PTPRQ: variants seen among roughly 807,000 people sequenced by gnomAD.
PTPRQ encodes phosphatidylinositol phosphatase PTPRQ.
In PTPRQ, 199 loss-of-function variants were observed where a neutral mutation model predicts 246.0. That is an observed-to-expected ratio of 0.81 (90% CI 0.72 to 0.91). The LOEUF is 0.91. Ranked by LOEUF, PTPRQ falls within the 40% of genes least tolerant of loss-of-function variation. PTPRQ has a pLI of 0.00. For synonymous variants in PTPRQ, 869 were observed against 853.2 expected (o/e 1.02, Z -0.32); for missense variants, 2,624 against 2,528.4 (o/e 1.04, Z -0.81).
Position 80,534,176 on chromosome 12 carries a change from G to A in PTPRQ, c.2839+1G>A. The A allele has an allele frequency of 2.0e-6, 3 of 1,524,820 alleles. No individual in the cohort carries two copies. Among genetic ancestry groups the A allele is most frequent in the Non-Finnish European group, 2.6e-6 (3 of 1,135,102 alleles). 94.5% of individuals were successfully genotyped at this position (1,524,820 alleles called of 1,614,324 possible). A position where few individuals can be genotyped will look rare whatever the true frequency, so the allele number is the denominator to read the frequency against. On this transcript the variant is annotated splice_donor_variant, in intron 18 of 44. Transcript: ENST00000644991. LOFTEE classifies it high-confidence loss of function. ...ATTAGCTTTCAAACACCAGAGGGAG[G>A]TGAGTTAAGGATGTATGCCAATTAA...
chr12:80,536,243 A>T (rs546681668), intron 19 of PTPRQ, among the ~76,000 whole-genome samples: 1 of 152,346 alleles, frequency 6.6e-6, no homozygotes, highest in African/African-American at 2.4e-5. Context: ...GTAAAAGAAG[A>T]AGAAAGATAA....
intron 7 of PTPRQ, among the ~76,000 whole-genome samples, chr12:80,469,847 G>T (rs7968678): frequency 0.06 from 9,171 of 152,246 alleles, 922 homozygotes; most frequent in African/African-American, 0.21. Flanking sequence ...CATTTGTAAG[G>T]CTGGCTGATA....
At chr12:80,646,447 G>A (rs190422321) in intron 35 of PTPRQ, among the ~76,000 whole-genome samples, 17 of 152,084 alleles carry the variant, frequency 1.1e-4, no homozygotes, top group Non-Finnish European at 2.2e-4. Flanking sequence ...ATCTTTAGGC[G>A]GACATCATGA....
intron 26 of PTPRQ, among the ~76,000 whole-genome samples, chr12:80,597,170 T>C (rs1012510447): frequency 8.6e-5 from 13 of 152,042 alleles, no homozygotes; most frequent in African/African-American, 3.1e-4. Context: ...TTGAGGTTTC[T>C]GATACCCTTG....
rs369695697 is a variant in PTPRQ, at chr12:80,663,284, A to C, written c.6192+5223A>C. On this transcript the variant is annotated intron_variant, in intron 39 of 44. Transcript: ENST00000644991. ...ATTTATATATGTGTATGTATATAAA[A>C]TATACAGTATAATATTTAGTATACA... Among the ~76,000 whole-genome samples the C allele has an allele frequency of 2.0e-5, 3 of 152,084 alleles. No homozygotes were observed. The East Asian group carries it at 5.8e-4, about 29-fold the overall frequency.
intron 35 of PTPRQ, among the ~76,000 whole-genome samples, chr12:80,636,554 C>T (rs577430123): frequency 6.6e-6 from 1 of 152,236 alleles, no homozygotes; most frequent in Non-Finnish European, 1.5e-5. Context: ...GCCTGTGTGG[C>T]CCATCCCTTT....
chr12:80,445,129 A>G (rs1892513363), intron 2 of PTPRQ, among the ~76,000 whole-genome samples: 1 of 151,950 alleles, frequency 6.6e-6, no homozygotes, highest in African/African-American at 2.4e-5. Flanking sequence ...CAGAACCATG[A>G]AAATGAACTG....
intron 35 of PTPRQ, among the ~76,000 whole-genome samples, chr12:80,641,810 T>C (rs1899865268): frequency 2.6e-5 from 4 of 152,116 alleles, no homozygotes; most frequent in Admixed American, 2.6e-4. Context: ...TTCATCATCA[T>C]AAAATAGAAT....
chr12:80,672,861 A>G (rs143716581), intron 42 of PTPRQ, among the ~76,000 whole-genome samples: 1 of 151,690 alleles, frequency 6.6e-6, no homozygotes, highest in East Asian at 1.9e-4. Flanking sequence ...AGAATTTTCA[A>G]TGATTTTAAA....
At chr12:80,643,203 C>T (rs1161102966) in intron 35 of PTPRQ, among the ~76,000 whole-genome samples, 1 of 152,040 alleles carries the variant, frequency 6.6e-6, no homozygotes, top group Non-Finnish European at 1.5e-5. Context: ...TTTGGGAGGT[C>T]GAGGCGGGTA....
intron 26 of PTPRQ, 73 bp from the exon 27 acceptor site, chr12:80,604,986 G>C: frequency 7.4e-7 from 1 of 1,349,456 alleles, no homozygotes; most frequent in Non-Finnish European, 9.6e-7. Flanking sequence ...ATTTTTCATG[G>C]TCTTTTCTAT....
intron 26 of PTPRQ, 60 bp downstream of exon 26, chr12:80,588,512 A>T (rs1468500964): frequency 2.9e-6 from 4 of 1,374,302 alleles, no homozygotes; most frequent in East Asian, 2.6e-5. Flanking sequence ...CTGTCTATAT[A>T]TTATGCTTTA....
intron 25 of PTPRQ, chr12:80,583,781 G>A (rs1409224163): frequency 6.6e-6 from 1 of 152,178 alleles, no homozygotes; most frequent in African/African-American, 2.4e-5. Context: ...CTCACAAGCT[G>A]AAGTCAACTT....
chr12:80,586,474 G>A (rs2121011609), intron 25 of PTPRQ: 1 of 151,566 alleles, frequency 6.6e-6, no homozygotes, highest in African/African-American at 2.4e-5. Context: ...CAACCATTGT[G>A]GAAGTCAGTG....
At chr12:80,518,141 A>AT (rs1471670363) in intron 17 of PTPRQ, among the ~76,000 whole-genome samples, 5 of 151,968 alleles carry the variant, frequency 3.3e-5, no homozygotes, top group African/African-American at 4.8e-5. Flanking sequence ...TCTCTCCAAC[A>AT]TTTGTTATTG....
At chr12:80,577,314 C>T (rs1897301431) in intron 25 of PTPRQ, among the ~76,000 whole-genome samples, 1 of 151,898 alleles carries the variant, frequency 6.6e-6, no homozygotes, top group African/African-American at 2.4e-5. Flanking sequence ...CCAAACACCT[C>T]CTTCTTCACA....
At chr12:80,558,381 T>A (rs1445517270) in intron 25 of PTPRQ, among the ~76,000 whole-genome samples, 1 of 151,462 alleles carries the variant, frequency 6.6e-6, no homozygotes, top group Non-Finnish European at 1.5e-5. Flanking sequence ...TTGGCCAGGC[T>A]GGTCTTGAAC....
At chr12:80,475,057 G>C (rs1225502630) in intron 8 of PTPRQ, among the ~76,000 whole-genome samples, 1 of 152,066 alleles carries the variant, frequency 6.6e-6, no homozygotes, top group Non-Finnish European at 1.5e-5. Flanking sequence ...TAATTTGCTA[G>C]ATAATGGCAA....
chr12:80,493,378 C>T lies in PTPRQ; in HGVS notation c.1463C>T (p.Ala488Val). The T allele has an allele frequency of 6.5e-7, 1 of 1,550,166 alleles. No homozygotes were observed. The highest frequency in any genetic ancestry group is 1.2e-5 in the South Asian group (1 of 84,014). ...AEMSSDLHSL[A>V]TFIYNSHPDK... ...ATGTCGTCTGACCTTCACTCACTTG[C>T]TACATTTATATATAACAGCCATCCA... Residue 488 changes from alanine to valine, a missense_variant, in exon 10 of 45, where the codon GCT becomes GTT. By Grantham distance (64) the Ala-to-Val change is moderately conservative (BLOSUM62 0). Coordinates refer to ENST00000644991, the MANE Select transcript of PTPRQ (RefSeq NM_001145026.2).
Sources: gnomAD v4.1 joint callset for allele counts (sites outside exome capture counted in the v4.1 genomes callset) on GRCh38, gnomAD v4.1.1 for gene constraint, MANE v1.5 for transcripts, NCBI Gene and HGNC (gene_info 2026-07-23, HGNC 2026-07-21) for gene names.